TRIM51G: variants seen among roughly 807,000 people sequenced by gnomAD.
TRIM51G encodes tripartite motif-containing protein 51G.
chr11:48,975,977 C>G, the TRIM51G span: 1 of 698,794 alleles, frequency 1.4e-6, no homozygotes, highest in East Asian at 2.8e-5. Flanking sequence ...CTGGCTCTTG[C>G]ATGCTGCAGA....
At chr11:48,981,856 A>G in the TRIM51G span, among the ~76,000 whole-genome samples, 2 of 152,180 alleles carry the variant, frequency 1.3e-5, no homozygotes, top group Non-Finnish European at 2.9e-5. Flanking sequence ...TTCATACACA[A>G]AGAGAGTCTT....
chr11:48,976,554 C>T, the TRIM51G span, among the ~76,000 whole-genome samples: 80 of 152,244 alleles, frequency 5.3e-4, no homozygotes, highest in Middle Eastern at 3.4e-3. Context: ...CGTAGCTCTT[C>T]ATGTTGTAAC....
chr11:48,982,330 A>T, the TRIM51G span, among the ~76,000 whole-genome samples: 1 of 152,288 alleles, frequency 6.6e-6, no homozygotes, highest in South Asian at 2.1e-4. Flanking sequence ...CTATGAACTG[A>T]CATATAGTCA....
At chr11:48,977,492 T>C in the TRIM51G span, among the ~76,000 whole-genome samples, 1 of 152,096 alleles carries the variant, frequency 6.6e-6, no homozygotes, top group Non-Finnish European at 1.5e-5. Context: ...TCACCAGAAA[T>C]TCCTGAAATT....
the TRIM51G span, among the ~76,000 whole-genome samples, chr11:48,983,586 C>G: frequency 6.6e-6 from 1 of 151,022 alleles, no homozygotes; most frequent in Admixed American, 6.6e-5. Context: ...AAAATGACAA[C>G]AATTAATAAC....
the TRIM51G span, chr11:48,981,204 A>G: frequency 5.0e-5 from 79 of 1,571,078 alleles, no homozygotes; most frequent in Non-Finnish European, 6.4e-5. Flanking sequence ...CAGAGATGGC[A>G]TCATCCAATC....
the TRIM51G span, chr11:48,978,859 G>A: frequency 8.8e-7 from 1 of 1,135,100 alleles, no homozygotes; most frequent in Non-Finnish European, 1.3e-6. Flanking sequence ...GATAACCCAT[G>A]GTCAGTCCGT....
At chr11:48,981,721 G>A in the TRIM51G span, 3 of 1,591,474 alleles carry the variant, frequency 1.9e-6, no homozygotes, top group Non-Finnish European at 2.6e-6. Flanking sequence ...AGAGCAGCAT[G>A]TCATTTTGGG....
At chr11:48,975,753 A>C in the TRIM51G span, 3 of 1,567,876 alleles carry the variant, frequency 1.9e-6, no homozygotes, top group Non-Finnish European at 2.6e-6. Context: ...CTATCATGTC[A>C]TTCTGTCTCT....
the TRIM51G span, among the ~76,000 whole-genome samples, chr11:48,982,335 T>C: frequency 6.6e-6 from 1 of 152,128 alleles, no homozygotes; most frequent in Non-Finnish European, 1.5e-5. Flanking sequence ...AACTGACATA[T>C]AGTCAGTTTT....
the TRIM51G span, chr11:48,978,858 T>G: frequency 8.9e-7 from 1 of 1,126,246 alleles, no homozygotes; most frequent in Non-Finnish European, 1.4e-6. Flanking sequence ...TGATAACCCA[T>G]GGTCAGTCCG....
chr11:48,975,602 T>A, the TRIM51G span: 1 of 1,387,440 alleles, frequency 7.2e-7, no homozygotes, highest in East Asian at 2.3e-5. Flanking sequence ...AAGCTCACGG[T>A]CCTACCTTCA....
At chr11:48,983,503 A>T in the TRIM51G span, among the ~76,000 whole-genome samples, 233 of 152,228 alleles carry the variant, frequency 1.5e-3, no homozygotes, top group Non-Finnish European at 1.9e-3. Flanking sequence ...TCCATGATGC[A>T]TACAAATCTA....
chr11:48,982,798 A>G, the TRIM51G span, among the ~76,000 whole-genome samples: 4 of 141,146 alleles, frequency 2.8e-5, no homozygotes, highest in Admixed American at 1.5e-4. Flanking sequence ...CAGTCTCGTT[A>G]TTGTTTGAAC....
the TRIM51G span, among the ~76,000 whole-genome samples, chr11:48,978,702 G>T: frequency 6.6e-6 from 1 of 152,176 alleles, no homozygotes; most frequent in Non-Finnish European, 1.5e-5. Context: ...CTTCGGTCTG[G>T]TAGAATCACT....
the TRIM51G span, chr11:48,981,777 C>T: frequency 1.4e-6 from 2 of 1,407,872 alleles, no homozygotes; most frequent in South Asian, 1.2e-5. Flanking sequence ...TATGTGATAG[C>T]TATATTTTCC....
the TRIM51G span, among the ~76,000 whole-genome samples, chr11:48,976,526 T>G: frequency 6.6e-6 from 1 of 152,156 alleles, no homozygotes; most frequent in Non-Finnish European, 1.5e-5. Flanking sequence ...AGACTGAAAC[T>G]GAACTTTAAA....
chr11:48,983,679 C>T, the TRIM51G span, among the ~76,000 whole-genome samples: 11 of 151,848 alleles, frequency 7.2e-5, no homozygotes, highest in South Asian at 2.3e-3. Context: ...ATTTTTATCA[C>T]TGTAATTTAC....
the TRIM51G span, among the ~76,000 whole-genome samples, chr11:48,979,335 G>A: frequency 7.9e-5 from 12 of 152,178 alleles, no homozygotes; most frequent in Non-Finnish European, 1.5e-4. Flanking sequence ...GTATAAAAAT[G>A]GATTTCTCTC....
Sources: gnomAD v4.1 joint callset for allele counts (sites outside exome capture counted in the v4.1 genomes callset) on GRCh38, gnomAD v4.1.1 for gene constraint, MANE v1.5 for transcripts, NCBI Gene and HGNC (gene_info 2026-07-23, HGNC 2026-07-21) for gene names.